The following WDPCP variants were observed in gnomAD, a reference collection of about 807,000 sequenced individuals.
The protein encoded by WDPCP is WD repeat containing planar cell polarity effector, also known as WD repeat-containing and planar cell polarity effector protein fritz homolog.
A neutral mutation model predicts 93.1 loss-of-function variants in WDPCP; 71 were observed. The observed-to-expected ratio is 0.76, with a 90% CI of 0.63 to 0.93. WDPCP has a LOEUF of 0.93. WDPCP is among the 40% of genes least tolerant of loss of function. The probability of loss-of-function intolerance (pLI) is 0.00; values close to 1 mark genes in which losing one functional copy is unlikely to be tolerated. For missense variants in WDPCP, 844 were observed against 887.4 expected, an observed-to-expected ratio of 0.95 and a Z score of 0.62; for synonymous variants, 315 against 315.0, an observed-to-expected ratio of 1.00 and a Z score of 0.00.
In WDPCP at chr2:63,809,206, T is replaced by C. The variant is rs1670821714; in HGVS notation, n.308+4416A>G. 1.4e-5 allele frequency among the ~76,000 whole-genome samples: 2 copies of C among 145,454 alleles called. 1 individual carries two copies. Among genetic ancestry groups the C allele is most frequent in the South Asian group, 4.4e-4 (2 of 4,566 alleles). On this transcript the variant is annotated intron_variant and non_coding_transcript_variant, in intron 2 of 4. Coordinates refer to the WDPCP transcript ENST00000467687. ...CCCGGCAGCCGCCCCGCCCGGGAGG[T>C]GAGGGGCGCCTCTGCCCGGCTGCCC...
intron 2 of WDPCP, among the ~76,000 whole-genome samples, chr2:63,755,485 C>A (rs1383786445): frequency 6.6e-6 from 1 of 152,034 alleles, no homozygotes; most frequent in Non-Finnish European, 1.5e-5. Context: ...GCTTCTGCTA[C>A]AATTGGGAAA....
intron 1 of WDPCP, among the ~76,000 whole-genome samples, chr2:63,528,538 A>G (rs1355529281): frequency 1.3e-5 from 2 of 152,054 alleles, no homozygotes; most frequent in South Asian, 2.1e-4. Flanking sequence ...GATGTGTGGT[A>G]TTATTTCTGA....
At chr2:63,388,631 C>T (rs775867417) in intron 10 of WDPCP, among the ~76,000 whole-genome samples, 6 of 152,034 alleles carry the variant, frequency 3.9e-5, no homozygotes, top group Admixed American at 6.6e-5. Flanking sequence ...AAACCCATCA[C>T]GAGGAAGCTA....
intron 14 of WDPCP, among the ~76,000 whole-genome samples, chr2:63,248,114 C>G: frequency 6.6e-6 from 1 of 152,018 alleles, no homozygotes; most frequent in South Asian, 2.1e-4. Flanking sequence ...TACTAAAGAG[C>G]TTTATAATTA....
intron 12 of WDPCP, among the ~76,000 whole-genome samples, chr2:63,361,377 A>G (rs1174911585): frequency 1.3e-5 from 2 of 152,220 alleles, no homozygotes; most frequent in African/African-American, 2.4e-5. Context: ...CACTAATCCT[A>G]AATTACACCA....
chr2:63,827,578 C>G (rs1671132925), intron 1 of WDPCP: 1 of 152,106 alleles, frequency 6.6e-6, no homozygotes, highest in Non-Finnish European at 1.5e-5. Flanking sequence ...ACAGACAATC[C>G]AACTTAAAAT....
At chr2:63,479,392 A>G (rs1700142041) in intron 6 of WDPCP, among the ~76,000 whole-genome samples, 2 of 152,146 alleles carry the variant, frequency 1.3e-5, no homozygotes, top group South Asian at 4.1e-4. Flanking sequence ...AAAAAAGAAC[A>G]CTACAGACCA....
intron 2 of WDPCP, among the ~76,000 whole-genome samples, chr2:63,730,852 C>T (rs546630038): frequency 1.3e-5 from 2 of 152,142 alleles, no homozygotes; most frequent in African/African-American, 4.8e-5. Flanking sequence ...GATGTCCTCA[C>T]TGCTGAGTTC....
At chr2:63,537,956 T>C (rs1488361585) in intron 1 of WDPCP, among the ~76,000 whole-genome samples, 1 of 152,188 alleles carries the variant, frequency 6.6e-6, no homozygotes, top group Non-Finnish European at 1.5e-5. Flanking sequence ...AATAAACAAA[T>C]GCCATCTCTG....
intron 14 of WDPCP, among the ~76,000 whole-genome samples, chr2:63,244,116 C>T (rs1680081245): frequency 6.6e-6 from 1 of 152,074 alleles, no homozygotes; most frequent in Non-Finnish European, 1.5e-5. Context: ...AATTAAACAA[C>T]TTACTCTTGA....
intron 13 of WDPCP, among the ~76,000 whole-genome samples, chr2:63,292,609 G>A (rs570524153): frequency 6.6e-6 from 1 of 152,170 alleles, no homozygotes; most frequent in East Asian, 1.9e-4. Context: ...TCTCCATTAA[G>A]GACCCAAAGG....
rs1226916860 is a variant in WDPCP at position 63,670,865 on chromosome 2, T to C, written n.309-20027A>G. On this transcript the variant is annotated intron_variant and non_coding_transcript_variant, in intron 2 of 4. Transcript: ENST00000467687. ...AGTGGGAGCACATCTAAGGCACAAG[T>C]ATGAAATGAAAGAGAGGAAAAAAAA... Among the ~76,000 whole-genome samples the C allele has an allele frequency of 6.6e-5, 10 of 151,578 alleles. No homozygotes were observed. The East Asian group carries it at 1.9e-3, about 29-fold the overall frequency.
intron 13 of WDPCP, among the ~76,000 whole-genome samples, chr2:63,272,271 C>G (rs1575030745): frequency 6.6e-6 from 1 of 152,176 alleles, no homozygotes; most frequent in East Asian, 1.9e-4. Flanking sequence ...CATATGACAA[C>G]TACATGAGTA....
At chr2:63,579,743 A>C (rs1182212298) in intron 1 of WDPCP, among the ~76,000 whole-genome samples, 1 of 143,300 alleles carries the variant, frequency 7.0e-6, no homozygotes, top group Non-Finnish European at 1.5e-5. Context: ...TTAGATAGGT[A>C]GGTAGGCAGG....
At chr2:63,186,411 T>C (rs978602451) in intron 14 of WDPCP, among the ~76,000 whole-genome samples, 2 of 152,244 alleles carry the variant, frequency 1.3e-5, no homozygotes, top group African/African-American at 4.8e-5. Context: ...CTAATGCCCA[T>C]GGCTACTGTT....
At chr2:63,136,381 G>A (rs1559144480) in intron 17 of WDPCP, among the ~76,000 whole-genome samples, 1 of 151,782 alleles carries the variant, frequency 6.6e-6, no homozygotes, top group African/African-American at 2.4e-5. Context: ...AGCCCTGCAG[G>A]GATTGATGGA....
At chr2:63,581,303 T>C (rs1708481525) in intron 1 of WDPCP, among the ~76,000 whole-genome samples, 1 of 152,216 alleles carries the variant, frequency 6.6e-6, no homozygotes, top group Non-Finnish European at 1.5e-5. Context: ...AGGTAGTTAG[T>C]TCCCTGGAGA....
intron 13 of WDPCP, among the ~76,000 whole-genome samples, chr2:63,298,239 T>G (rs1038580303): frequency 6.6e-6 from 1 of 152,154 alleles, no homozygotes; most frequent in Non-Finnish European, 1.5e-5. Context: ...AGAGTTATAC[T>G]GCCACCCAGC....
At chr2:63,353,685 C>A (rs1240097006) in intron 12 of WDPCP, among the ~76,000 whole-genome samples, 1 of 152,148 alleles carries the variant, frequency 6.6e-6, no homozygotes, top group Non-Finnish European at 1.5e-5. Context: ...CAACTAGGGT[C>A]TCCATCCACC....
Sources: gnomAD v4.1 joint callset for allele counts (sites outside exome capture counted in the v4.1 genomes callset) on GRCh38, gnomAD v4.1.1 for gene constraint, MANE v1.5 for transcripts, NCBI Gene and HGNC (gene_info 2026-07-23, HGNC 2026-07-21) for gene names.